The following CTNNA3 variants were observed in gnomAD, a reference collection of about 807,000 sequenced individuals.
CTNNA3 encodes catenin alpha 3.
A neutral mutation model predicts 95.7 loss-of-function variants in CTNNA3; 76 were observed. The observed-to-expected ratio is 0.79, with a 90% CI of 0.66 to 0.96. The LOEUF (loss-of-function observed/expected upper bound fraction) is 0.96. Ranked by LOEUF, CTNNA3 falls within the 40% of genes least tolerant of loss-of-function variation. The pLI is 0.00. For missense variants in CTNNA3, 1,191 were observed against 1,089.8 expected (o/e 1.09, Z -1.31); for synonymous variants, 431 against 374.4 (o/e 1.15, Z -1.74).
At chr10:66,384,680 C>T (rs1002136357) in intron 11 of CTNNA3, among the ~76,000 whole-genome samples, 10 of 152,100 alleles carry the variant, frequency 6.6e-5, no homozygotes, top group Non-Finnish European at 1.2e-4. Context: ...AAATTGACCA[C>T]ATAATGGGAA....
At chr10:66,346,135 T>C (rs1369382204) in intron 12 of CTNNA3, among the ~76,000 whole-genome samples, 1 of 149,452 alleles carries the variant, frequency 6.7e-6, no homozygotes, top group Non-Finnish European at 1.5e-5. Context: ...TGTTCTCATG[T>C]TAGAAAGAAT....
chr10:66,097,006 G>A (rs985920858), intron 14 of CTNNA3, among the ~76,000 whole-genome samples: 7 of 152,044 alleles, frequency 4.6e-5, no homozygotes, highest in African/African-American at 4.8e-5. Context: ...TCAACTTTTC[G>A]GTGATGTTGC....
Position 66,252,623 on chromosome 10 carries a change from T to TG in CTNNA3, c.1884+27846dup, listed in dbSNP as rs574981751. On this transcript the variant is annotated intron_variant, in intron 13 of 17. Transcript: ENST00000433211. ...ATATGGGAATACCTAATTCGTAAACTGGGTTTAGAAAATTCTTGCAGAAGA... is the reference window on the plus strand; with the variant it reads ...ATATGGGAATACCTAATTCGTAAACTGGGGTTTAGAAAATTCTTGCAGAAGA... Among the ~76,000 whole-genome samples, 352 of 152,268 alleles carry TG rather than the reference T, an allele frequency of 2.3e-3. 4 individuals are homozygous for TG. Among genetic ancestry groups the TG allele is most frequent in the Non-Finnish European group, 9.6e-4 (65 of 68,014 alleles).
At chr10:67,066,672 T>C (rs1856111706) in intron 7 of CTNNA3, among the ~76,000 whole-genome samples, 2 of 152,180 alleles carry the variant, frequency 1.3e-5, no homozygotes, top group Admixed American at 6.5e-5. Context: ...CTTTCTCATC[T>C]TGAATAATTG....
At chr10:67,702,396 T>C (rs1220440023) in intron 1 of CTNNA3, among the ~76,000 whole-genome samples, 1 of 152,070 alleles carries the variant, frequency 6.6e-6, no homozygotes, top group Admixed American at 6.5e-5. Context: ...CCTCAGCAAA[T>C]GTAAAAGATC....
At chr10:66,652,336 G>T (rs992005931) in intron 9 of CTNNA3, among the ~76,000 whole-genome samples, 1 of 151,968 alleles carries the variant, frequency 6.6e-6, no homozygotes, top group Non-Finnish European at 1.5e-5. Flanking sequence ...CCACAGTAAT[G>T]CAAAAGAGTA....
At chr10:66,655,778 C>G (rs2132427465) in intron 9 of CTNNA3, among the ~76,000 whole-genome samples, 1 of 152,058 alleles carries the variant, frequency 6.6e-6, no homozygotes, top group South Asian at 2.1e-4. Flanking sequence ...GAAGAATTGC[C>G]AAAGAGCATT....
At chr10:66,367,864 TAATAATAATAATAATA>T (rs1564902974) in intron 12 of CTNNA3, among the ~76,000 whole-genome samples, 33 of 52,582 alleles carry the variant, frequency 6.3e-4, no homozygotes, top group Non-Finnish European at 9.7e-4. Context: ...ATAATAATAA[TAATAATAATAATAATA>T]ATTATTATTA....
intron 11 of CTNNA3, among the ~76,000 whole-genome samples, chr10:66,434,294 T>C (rs1008095097): frequency 6.6e-6 from 1 of 152,106 alleles, no homozygotes; most frequent in African/African-American, 2.4e-5. Flanking sequence ...TGATTTTCTG[T>C]TTGTTTGTGT....
intron 10 of CTNNA3, among the ~76,000 whole-genome samples, chr10:66,619,434 C>A (rs1844658327): frequency 8.2e-6 from 1 of 121,492 alleles, no homozygotes; most frequent in African/African-American, 2.8e-5. Context: ...AGCTGGAAAC[C>A]ATCATTCTCA....
intron 10 of CTNNA3, among the ~76,000 whole-genome samples, chr10:66,572,577 C>G (rs1278992713): frequency 1.4e-5 from 2 of 147,740 alleles, no homozygotes; most frequent in Non-Finnish European, 3.0e-5. Flanking sequence ...AAAAAAAAAA[C>G]AAAACATGAA....
Position 65,912,641 on chromosome 10 carries a change from T to C in CTNNA3, c.*7689A>G, listed in dbSNP as rs2076957349. On this transcript the variant is annotated 3_prime_UTR_variant, in exon 18 of 18. Coordinates refer to ENST00000433211, the MANE Select transcript of CTNNA3 (RefSeq NM_013266.4). The stretch of plus-strand genomic sequence containing the variant: ...AAATTAGAATAAAGTAAAATAATAC[T>C]ATATAACCAAAACAAACCCAGTGTT... The C allele has an allele frequency of 6.6e-6, 1 of 152,146 alleles. No individual in the cohort carries two copies. The highest frequency in any genetic ancestry group is 1.5e-5 in the Non-Finnish European group (1 of 68,028). 9.4% of individuals were successfully genotyped at this position (152,146 alleles called of 1,614,324 possible). A position where few individuals can be genotyped will look rare whatever the true frequency, so the allele number is the denominator to read the frequency against.
At chr10:66,616,451 TA>T (rs1419102442) in intron 10 of CTNNA3, among the ~76,000 whole-genome samples, 1 of 152,112 alleles carries the variant, frequency 6.6e-6, no homozygotes, top group African/African-American at 2.4e-5. Flanking sequence ...TTTAAAGATA[TA>T]ATGAGAGTGA....
At chr10:66,649,253 G>T (rs570865019) in intron 9 of CTNNA3, among the ~76,000 whole-genome samples, 16 of 152,130 alleles carry the variant, frequency 1.1e-4, no homozygotes, top group African/African-American at 3.6e-4. Context: ...AATTAGAAAA[G>T]GTTTATAAAG....
chr10:66,274,397 T>C (rs2091348566), intron 13 of CTNNA3, among the ~76,000 whole-genome samples: 1 of 152,108 alleles, frequency 6.6e-6, no homozygotes, highest in Non-Finnish European at 1.5e-5. Context: ...GGCCAAAATA[T>C]GCCACCTGCT....
chr10:66,690,023 A>C (rs1269174502), intron 9 of CTNNA3, among the ~76,000 whole-genome samples: 1 of 152,194 alleles, frequency 6.6e-6, no homozygotes, highest in Non-Finnish European at 1.5e-5. Flanking sequence ...TGCAGAGAAC[A>C]AAAGGACAAA....
At chr10:66,447,314 G>GA (rs2093430110) in intron 11 of CTNNA3, among the ~76,000 whole-genome samples, 1 of 151,478 alleles carries the variant, frequency 6.6e-6, no homozygotes, top group Non-Finnish European at 1.5e-5. Flanking sequence ...CACAGAATTG[G>GA]AAAAAACTAC....
chr10:65,945,675 T>C (rs1441522831), intron 17 of CTNNA3, among the ~76,000 whole-genome samples: 1 of 152,192 alleles, frequency 6.6e-6, no homozygotes, highest in Non-Finnish European at 1.5e-5. Context: ...AACTGGGGAA[T>C]GAGGAGAAAA....
intron 1 of CTNNA3, among the ~76,000 whole-genome samples, chr10:67,755,440 T>G (rs1841427770): frequency 6.6e-6 from 1 of 151,912 alleles, no homozygotes; most frequent in South Asian, 2.1e-4. Context: ...AGTATGGAGG[T>G]TCCTCAAAAG....
Sources: allele counts gnomAD v4.1 joint callset (sites outside exome capture counted in the v4.1 genomes callset), GRCh38; gene constraint gnomAD v4.1.1; transcripts MANE v1.5; gene names NCBI Gene and HGNC (gene_info 2026-07-23, HGNC 2026-07-21).